Variants in WASHC5 observed in about 807,000 individuals in gnomAD.
WASHC5 encodes the protein WASH complex subunit 5, also known as WASH complex subunit strumpellin.
A neutral mutation model predicts 150.4 loss-of-function variants in WASHC5; 101 were observed. The observed-to-expected ratio is 0.67, with a 90% CI of 0.57 to 0.79. WASHC5 has a LOEUF of 0.79. Ranked by LOEUF, WASHC5 falls within the 30% of genes least tolerant of loss-of-function variation. WASHC5 has a pLI of 0.00. For synonymous variants in WASHC5, 467 were observed against 491.2 expected (o/e 0.95, Z 0.65); for missense variants, 1,195 against 1,396.3 (o/e 0.86, Z 2.30).
intron 11 of WASHC5, 105 bp downstream of exon 11, chr8:125,063,417 T>C: frequency 2.5e-6 from 3 of 1,224,010 alleles, no homozygotes; most frequent in Non-Finnish European, 2.4e-6. Flanking sequence ...TATCATAGGA[T>C]ACAATAATGA....
intron 23 of WASHC5, chr8:125,040,682 A>G (rs1257546593): frequency 6.6e-6 from 1 of 152,180 alleles, no homozygotes; most frequent in Non-Finnish European, 1.5e-5. Flanking sequence ...CCTTTTGATT[A>G]TATTTCTCTT....
chr8:125,063,447 C>T (rs1036354291), intron 11 of WASHC5, 75 bp downstream of exon 11: 3 of 1,471,432 alleles, frequency 2.0e-6, no homozygotes, highest in Non-Finnish European at 2.9e-6. Flanking sequence ...GTCTTTTTAA[C>T]CTGCCAGTTT....
At chr8:125,076,306 C>CT in intron 7 of WASHC5, 42 bp downstream of exon 7, 1 of 1,591,126 alleles carries the variant, frequency 6.3e-7, no homozygotes, top group Non-Finnish European at 8.6e-7. Flanking sequence ...AGTTAGTTCT[C>CT]TAACACATTT....
At position 125,083,399 on chromosome 8, in the gene WASHC5, T is replaced by C. The variant is rs1346671953; in HGVS notation, c.187-141A>G. The stretch of plus-strand genomic sequence containing the variant: ...GAGCAACAGAAAGTAGTGAAGATAA[T>C]AGAAGCCTAGATATAAAATCCCTTT... On this transcript the variant is annotated intron_variant, in intron 2 of 28. Coordinates refer to ENST00000318410, the MANE Select transcript of WASHC5 (RefSeq NM_014846.4). The C allele has an allele frequency of 8.0e-6, 6 of 749,264 alleles. No homozygotes were observed. The Admixed American group carries it at 1.4e-4, about 17-fold the overall frequency. 46.4% of individuals were successfully genotyped at this position (749,264 alleles called of 1,614,324 possible). A position where few individuals can be genotyped will look rare whatever the true frequency, so the allele number is the denominator to read the frequency against.
rs767202456 is a variant in WASHC5, at chr8:125,075,089, A to T, written c.887T>A (p.Ile296Asn). Reference protein sequence around the residue: ...DNWVISIYMGITVNLVDAWEP... With the variant: ...DNWVISIYMGNTVNLVDAWEP... ...CCAAGCATCTACTAGATTAACTGTG[A>T]TCCCCATGTAAATACTAATTACCTG... The change falls in exon 8 of 29, where the codon ATC (isoleucine) becomes AAC (asparagine). Residue 296 changes from isoleucine to asparagine, a missense_variant. Physicochemically the swap from Ile to Asn is moderately radical, Grantham distance 149. Coordinates refer to ENST00000318410, the MANE Select transcript of WASHC5 (RefSeq NM_014846.4). 2 of 1,608,070 alleles carry T rather than the reference A, an allele frequency of 1.2e-6. No homozygotes were observed. The highest frequency in any genetic ancestry group is 2.2e-5 in the South Asian group (2 of 90,968).
chr8:125,056,702 T>G lies in WASHC5; in HGVS notation c.1991A>C (p.Tyr664Ser), dbSNP rs776333653. ...TRLDKDKLRDYAQLGPRYEVA... is the reference protein window; with the variant it reads ...TRLDKDKLRDSAQLGPRYEVA... ...CTCGTATCGTGGGCCTAGCTGAGCA[T>G]AGTCCCTCAGCTTGTCTTTGTCCAG... The change falls in exon 16 of 29, where the codon TAT becomes TCT. Residue 664 changes from tyrosine to serine, a missense_variant. Tyr to Ser is a moderately radical substitution (Grantham distance 144). Coordinates refer to ENST00000318410, the MANE Select transcript of WASHC5 (RefSeq NM_014846.4). The G allele has an allele frequency of 3.2e-5, 52 of 1,613,994 alleles. No homozygotes were observed. Among genetic ancestry groups the G allele is most frequent in the Non-Finnish European group, 4.2e-5 (50 of 1,179,996 alleles).
In WASHC5 at chr8:125,083,778, T is replaced by C; in HGVS notation, c.121A>G (p.Arg41Gly). The C allele has an allele frequency of 1.9e-6, 3 of 1,613,902 alleles. No individual in the cohort carries two copies. Among genetic ancestry groups the C allele is most frequent in the Non-Finnish European group, 2.5e-6 (3 of 1,179,802 alleles). Residue 41 changes from arginine (R) to glycine (G), a missense_variant, in exon 2 of 29, where the codon AGG becomes GGG. This residue lies in a region of WASHC5 where 195 missense variants were observed against 206.9 expected (regional missense o/e 0.94). Transcript: ENST00000318410. ...RLSEFIPAVF[R>G]LKDRADQQKY... ...TGTTGATCAGCTCTGTCTTTTAACCTGAACACAGCAGGAATAAACTCAGAG... is the reference window on the plus strand; with the variant it reads ...TGTTGATCAGCTCTGTCTTTTAACCCGAACACAGCAGGAATAAACTCAGAG...
chr8:125,042,387 T>C (rs1015433141), intron 23 of WASHC5, among the ~76,000 whole-genome samples: 2 of 152,170 alleles, frequency 1.3e-5, no homozygotes, highest in African/African-American at 2.4e-5. Flanking sequence ...GCTGTCATCA[T>C]CGAATAGCAC....
chr8:125,039,764 AC>A, intron 24 of WASHC5, 30 bp downstream of exon 24: 1 of 1,439,708 alleles, frequency 6.9e-7, no homozygotes, highest in Non-Finnish European at 9.8e-7. Flanking sequence ...ATCCAAGCCC[AC>A]GGATGGCTGT....
chr8:125,038,449 G>C (rs977094565), intron 25 of WASHC5, among the ~76,000 whole-genome samples: 3 of 152,182 alleles, frequency 2.0e-5, no homozygotes, highest in African/African-American at 7.2e-5. Flanking sequence ...AGAGTTTGTA[G>C]CTTCTATGAT....
At chr8:125,061,795 C>T (rs1816603141) in intron 11 of WASHC5, among the ~76,000 whole-genome samples, 7 of 152,300 alleles carry the variant, frequency 4.6e-5, no homozygotes, top group Admixed American at 3.3e-4. Flanking sequence ...TGATTACCCT[C>T]AGTGTGTCAG....
rs1486433908 is a variant in WASHC5 at position 125,079,110 on chromosome 8, GTGTGTGTA to G, written c.519-188_519-181del. 8.1e-3 allele frequency among the ~76,000 whole-genome samples: 397 copies of G among 48,768 alleles called. 4 individuals are homozygous for G. The highest frequency in any genetic ancestry group is 0.027 in the African/African-American group (368 of 13,412). 32.0% of individuals were successfully genotyped at this position (48,768 alleles called of 152,430 possible). A position where few individuals can be genotyped will look rare whatever the true frequency, so the allele number is the denominator to read the frequency against. On this transcript the variant is annotated intron_variant, in intron 5 of 28. Transcript: ENST00000318410. ...AAATTATGTGTATATATATGTGTGT[GTGTGTGTA>G]TATATATATATATATATATATACAT... is the stretch of plus-strand genomic sequence containing the variant.
At chr8:125,035,198 A>G (rs1365390321) in intron 26 of WASHC5, among the ~76,000 whole-genome samples, 1 of 152,210 alleles carries the variant, frequency 6.6e-6, no homozygotes. Context: ...GAAGAATTAT[A>G]GTCAGTTATA....
chr8:125,029,074 C>T (rs1815454548), intron 27 of WASHC5, among the ~76,000 whole-genome samples: 1 of 151,026 alleles, frequency 6.6e-6, no homozygotes, highest in African/African-American at 2.4e-5. Flanking sequence ...CTCTTGTAGC[C>T]AGGCTGGAGT....
intron 20 of WASHC5, among the ~76,000 whole-genome samples, chr8:125,046,124 C>G (rs900978528): frequency 7.2e-5 from 11 of 152,188 alleles, no homozygotes; most frequent in Non-Finnish European, 1.6e-4. Context: ...TTAACTCACA[C>G]AAGATCAACT....
In WASHC5 at chr8:125,039,811, G is replaced by C; in HGVS notation, c.2938C>G (p.Leu980Val). The C allele has an allele frequency of 6.2e-7, 1 of 1,612,542 alleles. No individual in the cohort carries two copies. Among genetic ancestry groups the C allele is most frequent in the Non-Finnish European group, 8.5e-7 (1 of 1,178,626 alleles). The change falls in exon 24 of 29, where the codon CTG becomes GTG. Residue 980 changes from leucine to valine, a missense_variant. By Grantham distance (32) the Leu-to-Val change is conservative. Coordinates refer to ENST00000318410, the MANE Select transcript of WASHC5 (RefSeq NM_014846.4). ...RFDSKHLAAA[L>V]ENLNKALLAD... is the part of the protein sequence containing the mutation. ...GGCACTTACTTATTGAGATTCTCCA[G>C]AGCAGCTGCCAGATGTTTAGAATCA...
chr8:125,074,848 C>A, intron 8 of WASHC5, 150 bp downstream of exon 8: 1 of 684,890 alleles, frequency 1.5e-6, no homozygotes, highest in Non-Finnish European at 2.7e-6. Flanking sequence ...CTATCTTATT[C>A]TAACCTATAA....
At chr8:125,066,851 A>T (rs997220803) in intron 10 of WASHC5, among the ~76,000 whole-genome samples, 1 of 152,030 alleles carries the variant, frequency 6.6e-6, no homozygotes, top group African/African-American at 2.4e-5. Context: ...ACCTTTGTCT[A>T]CCTAACACTA....
At chr8:125,073,677 A>G (rs1351923780) in intron 8 of WASHC5, among the ~76,000 whole-genome samples, 1 of 152,244 alleles carries the variant, frequency 6.6e-6, no homozygotes, top group Non-Finnish European at 1.5e-5. Flanking sequence ...AAGATGAATA[A>G]CATATGGACT....
Sources: gnomAD v4.1 joint callset for allele counts (sites outside exome capture counted in the v4.1 genomes callset) on GRCh38, gnomAD v4.1.1 for gene constraint, gnomAD v4.1.1 regional missense constraint, MANE v1.5 for transcripts, NCBI Gene and HGNC (gene_info 2026-07-23, HGNC 2026-07-21) for gene names.